The following KREMEN1 variants were observed in gnomAD, a reference collection of about 807,000 sequenced individuals.
KREMEN1 encodes kringle containing transmembrane protein 1.
KREMEN1 carries 30 observed loss-of-function variants against 46.5 expected under a neutral mutation model. The observed-to-expected ratio is 0.65, with a 90% CI of 0.48 to 0.88. The LOEUF is 0.88. Ranked by LOEUF, KREMEN1 falls within the 40% of genes least tolerant of loss-of-function variation. The pLI is 0.00. For synonymous variants in KREMEN1, 214 were observed against 230.6 expected, an observed-to-expected ratio of 0.93 and a Z score of 0.65; for missense variants, 533 against 596.9, an observed-to-expected ratio of 0.89 and a Z score of 1.11.
intron 1 of KREMEN1, among the ~76,000 whole-genome samples, chr22:29,086,131 A>G (rs924064291): frequency 1.3e-4 from 20 of 151,984 alleles, no homozygotes; most frequent in African/African-American, 4.8e-4. Flanking sequence ...CTTTCCAGTC[A>G]TATCACCCCA....
At chr22:29,135,546 T>C (rs2038642918) in intron 5 of KREMEN1, among the ~76,000 whole-genome samples, 1 of 152,180 alleles carries the variant, frequency 6.6e-6, no homozygotes, top group Non-Finnish European at 1.5e-5. Flanking sequence ...TGTCACCTCC[T>C]GCACACTCAT....
chr22:29,085,699 G>A (rs1388613718), intron 1 of KREMEN1, among the ~76,000 whole-genome samples: 1 of 152,176 alleles, frequency 6.6e-6, no homozygotes, highest in African/African-American at 2.4e-5. Context: ...AGTAGGCCGG[G>A]CACAATAGCT....
intron 3 of KREMEN1, among the ~76,000 whole-genome samples, chr22:29,114,799 T>C (rs2038211742): frequency 6.6e-6 from 1 of 152,200 alleles, no homozygotes. Flanking sequence ...TTGAAGTATA[T>C]TTGATGACCT....
At chr22:29,167,436 C>A in exon 10 of KREMEN1, 1 of 260,618 alleles carries the variant, frequency 3.8e-6, no homozygotes, top group Non-Finnish European at 7.4e-6. Flanking sequence ...TGAGGCAGGA[C>A]CGAGAGTGAC....
At chr22:29,104,260 A>G (rs2038017012) in intron 3 of KREMEN1, among the ~76,000 whole-genome samples, 2 of 151,410 alleles carry the variant, frequency 1.3e-5, no homozygotes, top group African/African-American at 4.9e-5. Flanking sequence ...AGGCTCAAAC[A>G]GTCTTCCCAC....
At chr22:29,137,795 C>G (rs2038694582) in intron 6 of KREMEN1, 121 bp downstream of exon 6, 1 of 688,542 alleles carries the variant, frequency 1.5e-6, no homozygotes, top group African/African-American at 1.8e-5. Flanking sequence ...ACTACTGACT[C>G]AACTTGCAGA....
chr22:29,085,456 T>C (rs1284548735), intron 1 of KREMEN1, among the ~76,000 whole-genome samples: 1 of 152,182 alleles, frequency 6.6e-6, no homozygotes, highest in Non-Finnish European at 1.5e-5. Context: ...AGTACCATTA[T>C]TACACGTAGA....
chr22:29,131,107 CTG>C (rs1209267048), intron 5 of KREMEN1, among the ~76,000 whole-genome samples: 1 of 152,162 alleles, frequency 6.6e-6, no homozygotes, highest in Non-Finnish European at 1.5e-5. Context: ...TGAGCTTATA[CTG>C]TGTGTCACAT....
chr22:29,105,591 G>C (rs950281267), intron 3 of KREMEN1, among the ~76,000 whole-genome samples: 1 of 152,040 alleles, frequency 6.6e-6, no homozygotes, highest in African/African-American at 2.4e-5. Flanking sequence ...GGTCTGAGAA[G>C]TACACAGGGC....
At chr22:29,134,749 G>A (rs1014585556) in intron 5 of KREMEN1, among the ~76,000 whole-genome samples, 1 of 152,162 alleles carries the variant, frequency 6.6e-6, no homozygotes, top group Non-Finnish European at 1.5e-5. Flanking sequence ...ATGCACATCA[G>A]GCTTTAAATT....
intron 3 of KREMEN1, among the ~76,000 whole-genome samples, chr22:29,101,978 C>T (rs2037984315): frequency 6.6e-6 from 1 of 152,188 alleles, no homozygotes; most frequent in African/African-American, 2.4e-5. Context: ...GCAAGATCTG[C>T]TTCTATAAGG....
At chr22:29,120,640 C>A (rs866539884) in intron 3 of KREMEN1, among the ~76,000 whole-genome samples, 1 of 151,876 alleles carries the variant, frequency 6.6e-6, no homozygotes, top group Non-Finnish European at 1.5e-5. Flanking sequence ...GAGGTGCTGA[C>A]GGAAACAGAG....
intron 1 of KREMEN1, among the ~76,000 whole-genome samples, chr22:29,093,508 A>G (rs2037832986): frequency 6.6e-6 from 1 of 152,234 alleles, no homozygotes; most frequent in African/African-American, 2.4e-5. Flanking sequence ...TGAGAAGCAG[A>G]TTTTAGAAAC....
chr22:29,110,164 G>A (rs2038124479), intron 3 of KREMEN1, among the ~76,000 whole-genome samples: 1 of 152,220 alleles, frequency 6.6e-6, no homozygotes, highest in Admixed American at 6.5e-5. Context: ...TTCTTCTGCT[G>A]CTGTCACCTG....
chr22:29,085,825 G>T (rs1212334105), intron 1 of KREMEN1, among the ~76,000 whole-genome samples: 1 of 152,048 alleles, frequency 6.6e-6, no homozygotes, highest in African/African-American at 2.4e-5. Context: ...TAAAAAATTA[G>T]CCAGGTGTGG....
intron 2 of KREMEN1, among the ~76,000 whole-genome samples, chr22:29,097,910 G>A (rs1272357090): frequency 6.6e-6 from 1 of 152,070 alleles, no homozygotes; most frequent in East Asian, 1.9e-4. Flanking sequence ...GGCTGGGCAC[G>A]GTGGCTCACG....
intron 4 of KREMEN1, 42 bp from the exon 5 acceptor site, chr22:29,125,221 C>T: frequency 6.2e-7 from 1 of 1,603,192 alleles, no homozygotes; most frequent in South Asian, 1.1e-5. Flanking sequence ...CATCTGACAT[C>T]CCTGATGATG....
At chr22:29,098,796 T>G in intron 2 of KREMEN1, 66 bp from the exon 3 acceptor site, 1 of 1,202,518 alleles carries the variant, frequency 8.3e-7, no homozygotes. Context: ...TCTGTAAAAC[T>G]GAAAAGCAAT....
intron 9 of KREMEN1, among the ~76,000 whole-genome samples, chr22:29,160,011 A>C (rs562323915): frequency 6.6e-6 from 1 of 152,260 alleles, no homozygotes; most frequent in East Asian, 1.9e-4. Flanking sequence ...AAAACTACCA[A>C]AGAATTTCTG....
Sources: gnomAD v4.1 joint callset for allele counts (sites outside exome capture counted in the v4.1 genomes callset) on GRCh38, gnomAD v4.1.1 for gene constraint, MANE v1.5 for transcripts, NCBI Gene and HGNC (gene_info 2026-07-23, HGNC 2026-07-21) for gene names.